RPL5: variants seen among roughly 807,000 people sequenced by gnomAD.
RPL5 encodes large ribosomal subunit protein uL18.
Under a neutral mutation model 38.4 loss-of-function variants are expected in RPL5, and 1 was observed. The observed-to-expected ratio is 0.03, with a 90% CI of 0.01 to 0.12. The LOEUF (loss-of-function observed/expected upper bound fraction) is 0.12, where lower values mean the gene tolerates loss of function less well. RPL5 is among the 10% of genes least tolerant of loss of function. RPL5 has a pLI of 1.00. For missense variants in RPL5, 243 were observed against 374.1 expected, an observed-to-expected ratio of 0.65 and a Z score of 2.89; for synonymous variants, 109 against 121.2, an observed-to-expected ratio of 0.90 and a Z score of 0.66.
At position 92,836,181 on chromosome 1, in the gene RPL5, C is replaced by T; in HGVS notation, c.325-9C>T. 6.2e-7 allele frequency: 1 copy of T among 1,611,228 alleles called. No homozygotes were observed. On this transcript the variant is annotated splice_polypyrimidine_tract_variant and intron_variant, in intron 4 of 7. Coordinates refer to ENST00000370321, the MANE Select transcript of RPL5 (RefSeq NM_000969.5). Reference sequence around the variant, plus strand: ...TTGAAACCAGCATTTACATTGGTTTCTTGAATAGCTTCTCAATAGGTTTGG... The same window carrying T: ...TTGAAACCAGCATTTACATTGGTTTTTTGAATAGCTTCTCAATAGGTTTGG...
chr1:92,841,425 C>T (rs1365453959), intron 7 of RPL5, among the ~76,000 whole-genome samples: 3 of 152,124 alleles, frequency 2.0e-5, no homozygotes, highest in Non-Finnish European at 4.4e-5. Flanking sequence ...TTATCTGTTG[C>T]TATTAATATA....
chr1:92,832,340 G>A, intron 1 of RPL5: 1 of 696,650 alleles, frequency 1.4e-6, no homozygotes, highest in Non-Finnish European at 2.5e-6. Flanking sequence ...CGTGAGCTTG[G>A]ACGGCGGATT....
At position 92,832,083 on chromosome 1, in the gene RPL5, C is replaced by T. The variant is rs746539975; in HGVS notation, c.-32C>T. 2.1e-5 allele frequency: 34 copies of T among 1,613,734 alleles called. No individual in the cohort carries two copies. The Middle Eastern group carries it at 1.3e-3, about 62-fold the overall frequency. On this transcript the variant is annotated 5_prime_UTR_variant, in exon 1 of 8. Coordinates refer to ENST00000370321, the MANE Select transcript of RPL5 (RefSeq NM_000969.5). ...CGCCGCTGGGCCTGCAGGTCTCTGT[C>T]GAGCAGCGGACGCCGGTCTCTGTTC...
chr1:92,833,051 T>C (rs369438439), intron 1 of RPL5: 6 of 734,276 alleles, frequency 8.2e-6, no homozygotes, highest in African/African-American at 3.4e-5. Flanking sequence ...GAAACAAATA[T>C]GGAAATTGAA....
At chr1:92,833,706 TTG>T (rs762712969) in intron 3 of RPL5, 46 bp downstream of exon 3, 107 of 1,497,146 alleles carry the variant, frequency 7.1e-5, no homozygotes, top group Admixed American at 5.0e-5. Flanking sequence ...GCTAGAGAAA[TTG>T]TGCTTGGGAA....
chr1:92,835,078 A>G (rs1687064623), intron 4 of RPL5, 165 bp downstream of exon 4: 1 of 1,003,340 alleles, frequency 1.0e-6, no homozygotes, highest in South Asian at 1.4e-5. Flanking sequence ...AGCTCTTTCC[A>G]ATAAAATTTT....
chr1:92,837,816 T>A, intron 6 of RPL5, 183 bp downstream of exon 6: 1 of 611,558 alleles, frequency 1.6e-6, no homozygotes, highest in Non-Finnish European at 2.9e-6. Context: ...CATCTGAAGA[T>A]TTGGCTACCT....
At chr1:92,835,236 C>T (rs1052323073) in intron 4 of RPL5, 7 of 415,764 alleles carry the variant, frequency 1.7e-5, no homozygotes, top group Non-Finnish European at 3.2e-5. Flanking sequence ...ACCCTTGCTA[C>T]TTAGGTATAC....
At chr1:92,839,733 TA>T (rs1426109842) in intron 6 of RPL5, among the ~76,000 whole-genome samples, 1 of 152,224 alleles carries the variant, frequency 6.6e-6, no homozygotes, top group African/African-American at 2.4e-5. Context: ...AGACAGTATT[TA>T]AAATGAGAAG....
intron 6 of RPL5, among the ~76,000 whole-genome samples, chr1:92,838,733 G>A (rs1458441989): frequency 1.3e-5 from 2 of 152,136 alleles, no homozygotes; most frequent in Non-Finnish European, 2.9e-5. Flanking sequence ...AAGGAACTGG[G>A]TTGCTTAGAT....
At chr1:92,832,395 C>A in intron 1 of RPL5, 1 of 589,998 alleles carries the variant, frequency 1.7e-6, no homozygotes, top group East Asian at 2.9e-5. Flanking sequence ...GCGGATACTG[C>A]CGTCTAGTGT....
intron 1 of RPL5, chr1:92,832,401 A>C: frequency 3.4e-6 from 2 of 582,956 alleles, no homozygotes; most frequent in South Asian, 3.9e-5. Flanking sequence ...ACTGCCGTCT[A>C]GTGTGAGGGG....
intron 6 of RPL5, among the ~76,000 whole-genome samples, chr1:92,838,831 G>A (rs1026635494): frequency 4.6e-5 from 7 of 152,148 alleles, no homozygotes; most frequent in Admixed American, 2.6e-4. Context: ...AAAGAGGTAG[G>A]GAAATTAACT....
At chr1:92,840,342 G>A (rs1687305056) in intron 6 of RPL5, 2 of 522,236 alleles carry the variant, frequency 3.8e-6, no homozygotes, top group South Asian at 2.0e-5. Context: ...ATGGAGTTCT[G>A]TAGTGATAAT....
At chr1:92,834,183 T>A (rs1687027751) in intron 3 of RPL5, among the ~76,000 whole-genome samples, 1 of 152,228 alleles carries the variant, frequency 6.6e-6, no homozygotes, top group East Asian at 1.9e-4. Flanking sequence ...GGGTTTGTCC[T>A]GATTTTTCCT....
In RPL5 at chr1:92,840,649, C is replaced by CT. The variant is rs747509136; in HGVS notation, c.794+19dup. The CT allele has an allele frequency of 8.6e-4, 1,342 of 1,566,798 alleles. No individual in the cohort carries two copies. The highest frequency in any genetic ancestry group is 1.0e-3 in the Non-Finnish European group (1,145 of 1,149,634). On this transcript the variant is annotated intron_variant, in intron 7 of 7. Transcript: ENST00000370321. ...AAGTTAAAAAGAAGAGGTATGTCGTCTTTTTTTTTGTCTTTTCAAGAAAAC... is the reference window on the plus strand; with the variant it reads ...AAGTTAAAAAGAAGAGGTATGTCGTCTTTTTTTTTTGTCTTTTCAAGAAAAC...
intron 1 of RPL5, 71 bp from the exon 2 acceptor site, chr1:92,833,318 A>G (rs767579888): frequency 8.1e-7 from 1 of 1,239,722 alleles, no homozygotes; most frequent in Non-Finnish European, 1.2e-6. Context: ...ACTTTGTTAC[A>G]TGGTTAATTT....
chr1:92,838,001 C>T (rs1687193655), intron 6 of RPL5, among the ~76,000 whole-genome samples: 1 of 152,200 alleles, frequency 6.6e-6, no homozygotes, highest in Admixed American at 6.5e-5. Flanking sequence ...TTATCTCAGA[C>T]ATGTACACAG....
intron 2 of RPL5, 25 bp downstream of exon 2, chr1:92,833,483 A>G (rs756108510): frequency 1.4e-4 from 220 of 1,613,046 alleles, no homozygotes; most frequent in Non-Finnish European, 1.7e-4. Flanking sequence ...TTGTGTTTAC[A>G]ATATTAATCT....
Sources: gnomAD v4.1 joint callset for allele counts (sites outside exome capture counted in the v4.1 genomes callset) on GRCh38, gnomAD v4.1.1 for gene constraint, MANE v1.5 for transcripts, NCBI Gene and HGNC (gene_info 2026-07-23, HGNC 2026-07-21) for gene names.